CTNNA1: variants seen among roughly 807,000 people sequenced by gnomAD.
CTNNA1 encodes catenin alpha 1.
Under a neutral mutation model 98.4 loss-of-function variants are expected in CTNNA1, and 37 were observed. The observed-to-expected ratio is 0.38, with a 90% CI of 0.29 to 0.49. The LOEUF is 0.49. CTNNA1 is among the 20% of genes least tolerant of loss of function. CTNNA1 has a pLI of 0.95. For missense variants in CTNNA1, 761 were observed against 1,147.2 expected, an observed-to-expected ratio of 0.66 and a Z score of 4.86; for synonymous variants, 404 against 413.2, an observed-to-expected ratio of 0.98 and a Z score of 0.27.
intron 9 of CTNNA1, among the ~76,000 whole-genome samples, chr5:138,893,680 G>A (rs1179565469): frequency 6.6e-6 from 1 of 151,884 alleles, no homozygotes; most frequent in African/African-American, 2.4e-5. Flanking sequence ...CTGGAGTGCA[G>A]TGGCGCAATC....
At chr5:138,852,859 T>TTG (rs1554089778) in intron 7 of CTNNA1, among the ~76,000 whole-genome samples, 1 of 15,644 alleles carries the variant, frequency 6.4e-5, no homozygotes, top group African/African-American at 1.8e-4. Context: ...TTCCCTCTTT[T>TTG]CGCGCGCGCG....
chr5:138,852,871 G>GCGCACACACACACGCGCGCGCGCACA (rs869240008), intron 7 of CTNNA1, among the ~76,000 whole-genome samples: 4 of 151,240 alleles, frequency 2.6e-5, no homozygotes, highest in Non-Finnish European at 5.9e-5. Flanking sequence ...GCGCGCGCGC[G>GCGCACACACACACGCGCGCGCGCACA]CACACACACA....
chr5:138,866,848 G>A (rs992240219), intron 7 of CTNNA1, among the ~76,000 whole-genome samples: 1 of 152,104 alleles, frequency 6.6e-6, no homozygotes, highest in Non-Finnish European at 1.5e-5. Flanking sequence ...TTTTGCAGTA[G>A]CTATGACTTT....
intron 7 of CTNNA1, among the ~76,000 whole-genome samples, chr5:138,857,768 T>C (rs1411334643): frequency 6.6e-6 from 1 of 152,236 alleles, no homozygotes; most frequent in Non-Finnish European, 1.5e-5. Context: ...GGTGCTATAC[T>C]TTGAACCCAG....
At chr5:138,799,857 G>GATTGT (rs1554081132) in intron 3 of CTNNA1, among the ~76,000 whole-genome samples, 1 of 149,024 alleles carries the variant, frequency 6.7e-6, no homozygotes, top group Admixed American at 6.7e-5. Context: ...AGTAGATGTA[G>GATTGT]ATGTATGTAT....
chr5:138,912,334 G>T (rs1580756034), intron 10 of CTNNA1, among the ~76,000 whole-genome samples: 1 of 152,162 alleles, frequency 6.6e-6, no homozygotes, highest in Admixed American at 6.5e-5. Flanking sequence ...AAAGAGGAGA[G>T]AAGGCAGCAT....
chr5:138,827,942 T>C, intron 7 of CTNNA1: 1 of 544,674 alleles, frequency 1.8e-6, no homozygotes, highest in Non-Finnish European at 3.3e-6. Flanking sequence ...ATACAGTGAA[T>C]ACCTAGGAAA....
At chr5:138,865,337 C>T (rs1328729347) in intron 7 of CTNNA1, among the ~76,000 whole-genome samples, 5 of 152,188 alleles carry the variant, frequency 3.3e-5, no homozygotes, top group East Asian at 1.9e-4. Flanking sequence ...TCACAGAGTG[C>T]GCAGCATGCT....
intron 7 of CTNNA1, among the ~76,000 whole-genome samples, chr5:138,851,006 G>A (rs1472717508): frequency 1.3e-5 from 2 of 152,240 alleles, no homozygotes; most frequent in African/African-American, 2.4e-5. Context: ...GCTGTGTTAT[G>A]TGAAGAAAGA....
At chr5:138,804,097 A>G (rs1210972672) in intron 3 of CTNNA1, among the ~76,000 whole-genome samples, 2 of 152,224 alleles carry the variant, frequency 1.3e-5, no homozygotes, top group Non-Finnish European at 2.9e-5. Context: ...TGCTTGCTGC[A>G]AGGCACTGAA....
chr5:138,814,183 A>G (rs72788843), intron 5 of CTNNA1, among the ~76,000 whole-genome samples: 15 of 152,122 alleles, frequency 9.9e-5, no homozygotes, highest in Non-Finnish European at 1.6e-4. Context: ...TTGCATTTCT[A>G]GTACTTAAGA....
At chr5:138,865,145 G>A (rs1032430550) in intron 7 of CTNNA1, among the ~76,000 whole-genome samples, 12 of 152,144 alleles carry the variant, frequency 7.9e-5, no homozygotes, top group Non-Finnish European at 1.2e-4. Flanking sequence ...TGTACTCCTC[G>A]TGTAGAAGAT....
intron 7 of CTNNA1, among the ~76,000 whole-genome samples, chr5:138,878,706 A>G (rs1457512396): frequency 6.6e-6 from 1 of 152,212 alleles, no homozygotes; most frequent in African/African-American, 2.4e-5. Context: ...AAGCAAATGT[A>G]CAGATATATT....
intron 3 of CTNNA1, among the ~76,000 whole-genome samples, chr5:138,806,933 G>C (rs1758136721): frequency 6.6e-6 from 1 of 151,594 alleles, no homozygotes; most frequent in Non-Finnish European, 1.5e-5. Context: ...TGTAAGCAAA[G>C]GCTAATACCA....
intron 1 of CTNNA1, among the ~76,000 whole-genome samples, chr5:138,773,019 C>A (rs1382287094): frequency 6.6e-6 from 1 of 152,140 alleles, no homozygotes; most frequent in East Asian, 1.9e-4. Context: ...GTGACTTAAT[C>A]AAAAGTCAGA....
intron 7 of CTNNA1, among the ~76,000 whole-genome samples, chr5:138,864,331 A>C (rs182594563): frequency 1.3e-4 from 20 of 152,192 alleles, no homozygotes; most frequent in African/African-American, 4.8e-4. Flanking sequence ...TTATAGAAGC[A>C]ATTGGGAAAG....
intron 12 of CTNNA1, among the ~76,000 whole-genome samples, 169 bp from the exon 13 acceptor site, chr5:138,925,087 G>A (rs1227646419): frequency 6.6e-6 from 1 of 152,176 alleles, no homozygotes; most frequent in African/African-American, 2.4e-5. Flanking sequence ...GATTTGAGTC[G>A]TAAAATACTG....
intron 7 of CTNNA1, among the ~76,000 whole-genome samples, chr5:138,852,113 G>T (rs1178650238): frequency 6.6e-6 from 1 of 152,066 alleles, no homozygotes; most frequent in Admixed American, 6.6e-5. Context: ...TATAACATGG[G>T]TGCTACCCAA....
At chr5:138,827,819 T>A in intron 7 of CTNNA1, 101 bp downstream of exon 7, 1 of 1,380,762 alleles carries the variant, frequency 7.2e-7, no homozygotes, top group Non-Finnish European at 9.8e-7. Flanking sequence ...ACCAAATATG[T>A]CCTTGACTCC....
Sources: gnomAD v4.1 joint callset for allele counts (sites outside exome capture counted in the v4.1 genomes callset) on GRCh38, gnomAD v4.1.1 for gene constraint, MANE v1.5 for transcripts, NCBI Gene and HGNC (gene_info 2026-07-23, HGNC 2026-07-21) for gene names.